Variants in EPB41 observed in about 807,000 individuals in gnomAD.
EPB41 encodes protein 4.1.
EPB41 carries 65 observed loss-of-function variants against 108.0 expected under a neutral mutation model. That is an observed-to-expected ratio of 0.60 (90% CI 0.49 to 0.74). The LOEUF (loss-of-function observed/expected upper bound fraction) is 0.74. Ranked by LOEUF, EPB41 falls within the 30% of genes least tolerant of loss-of-function variation. EPB41 has a pLI of 0.00. For synonymous variants in EPB41, 336 were observed against 358.9 expected (o/e 0.94, Z 0.72); for missense variants, 875 against 1,037.0 (o/e 0.84, Z 2.15).
At chr1:28,997,547 GT>G (rs955240590) in intron 4 of EPB41, among the ~76,000 whole-genome samples, 44 of 152,192 alleles carry the variant, frequency 2.9e-4, no homozygotes, top group African/African-American at 9.4e-4. Context: ...TATATTGTAT[GT>G]TTTTACAAGG....
intron 10 of EPB41, among the ~76,000 whole-genome samples, chr1:29,038,346 A>T (rs545045242): frequency 6.6e-6 from 1 of 152,308 alleles, no homozygotes; most frequent in Admixed American, 6.5e-5. Flanking sequence ...TTGAATGTCT[A>T]ATAACTGTGG....
intron 18 of EPB41, chr1:29,109,773 C>T (rs1020281921): frequency 2.7e-6 from 1 of 371,362 alleles, no homozygotes; most frequent in African/African-American, 2.1e-5. Flanking sequence ...GTGGCCCACA[C>T]CTGTAATCCC....
intron 1 of EPB41, among the ~76,000 whole-genome samples, chr1:28,987,052 C>T (rs2149514666): frequency 6.6e-6 from 1 of 152,298 alleles, no homozygotes; most frequent in South Asian, 2.1e-4. Flanking sequence ...GCAAATCCTA[C>T]ACCTTCAGAT....
intron 1 of EPB41, among the ~76,000 whole-genome samples, chr1:28,895,235 G>C (rs1432251110): frequency 6.6e-6 from 1 of 152,166 alleles, no homozygotes; most frequent in Non-Finnish European, 1.5e-5. Flanking sequence ...GGCCCAGGGA[G>C]CCTGGGACTC....
chr1:29,097,895 TC>T lies in EPB41; in HGVS notation c.2275del (p.His759ThrfsTer27). Reference sequence around the variant, plus strand: ...ATCCCAACCAAAGACGTCCCTATTGTCCACACTGAGACCAAGACCATCACTT... The same window carrying T: ...ATCCCAACCAAAGACGTCCCTATTGTCACACTGAGACCAAGACCATCACTT... The part of the protein sequence containing the change: ...SEIPTKDVPI[V>X]HTETKTITYE... On this transcript the variant is annotated frameshift_variant, in exon 17 of 21. Coordinates refer to ENST00000343067, the MANE Select transcript of EPB41 (RefSeq NM_001376013.1). LOFTEE classifies it high-confidence loss of function. 6.2e-6 allele frequency: 10 copies of T among 1,613,988 alleles called. No individual in the cohort carries two copies. The highest frequency in any genetic ancestry group is 8.5e-6 in the Non-Finnish European group (10 of 1,179,876).
At chr1:29,106,564 A>ATTTTTTTTTTTTTTTTTTTTTT (rs1187973613) in intron 17 of EPB41, among the ~76,000 whole-genome samples, 1 of 50,882 alleles carries the variant, frequency 2.0e-5, no homozygotes, top group African/African-American at 8.5e-5. Flanking sequence ...AGTAGCTGGG[A>ATTTTTTTTTTTTTTTTTTTTTT]TTTTTTTTTT....
intron 1 of EPB41, among the ~76,000 whole-genome samples, chr1:28,925,528 G>A (rs915857580): frequency 6.6e-6 from 1 of 152,180 alleles, no homozygotes; most frequent in Non-Finnish European, 1.5e-5. Context: ...AGTGAGGCAG[G>A]TGGGGTGTAC....
chr1:28,964,627 A>AAAAT (rs796384394), intron 1 of EPB41, among the ~76,000 whole-genome samples: 7 of 149,762 alleles, frequency 4.7e-5, no homozygotes, highest in African/African-American at 9.9e-5. Context: ...ATAAATAAAT[A>AAAAT]AAATAAATAA....
chr1:29,090,901 T>C (rs1660950678), intron 16 of EPB41, among the ~76,000 whole-genome samples: 1 of 152,192 alleles, frequency 6.6e-6, no homozygotes, highest in Non-Finnish European at 1.5e-5. Flanking sequence ...GATAACAGTG[T>C]CAACTTGAGA....
intron 1 of EPB41, among the ~76,000 whole-genome samples, chr1:28,909,451 G>A (rs923041571): frequency 5.9e-5 from 9 of 151,764 alleles, no homozygotes; most frequent in African/African-American, 2.2e-4. Context: ...CTGGGCAACA[G>A]AGTGAGACCC....
intron 1 of EPB41, among the ~76,000 whole-genome samples, chr1:28,924,738 C>T (rs1462801208): frequency 6.6e-6 from 1 of 152,148 alleles, no homozygotes; most frequent in Non-Finnish European, 1.5e-5. Context: ...ATTTACAAGG[C>T]ACTATCATAA....
At chr1:29,036,745 G>C (rs1204030465) in intron 10 of EPB41, among the ~76,000 whole-genome samples, 3 of 149,666 alleles carry the variant, frequency 2.0e-5, no homozygotes, top group African/African-American at 7.4e-5. Flanking sequence ...GGCGGATCTC[G>C]GCTCACTGCA....
At chr1:28,959,599 A>T (rs3102739) in intron 1 of EPB41, among the ~76,000 whole-genome samples, 119,489 of 152,120 alleles carry the variant, frequency 0.79, 47,594 homozygotes, top group East Asian at 0.92. Context: ...AAGAGAAAAC[A>T]TTTATAGCAG....
At chr1:29,006,454 G>C (rs952877341) in intron 4 of EPB41, among the ~76,000 whole-genome samples, 8 of 151,872 alleles carry the variant, frequency 5.3e-5, no homozygotes, top group Non-Finnish European at 1.0e-4. Context: ...AGCCAGGATG[G>C]TCTCGATCTC....
intron 12 of EPB41, among the ~76,000 whole-genome samples, chr1:29,056,273 CAAAACAAAAA>C (rs1289756898): frequency 2.7e-5 from 4 of 147,960 alleles, no homozygotes; most frequent in East Asian, 4.0e-4. Context: ...CAAAACAAAA[CAAAACAAAAA>C]AAAAACTATG....
intron 11 of EPB41, among the ~76,000 whole-genome samples, chr1:29,047,379 A>G (rs1380757462): frequency 6.7e-6 from 1 of 148,752 alleles, no homozygotes; most frequent in African/African-American, 2.5e-5. Flanking sequence ...CGTCCTGAGT[A>G]GCTGGTACCA....
In EPB41 at chr1:28,922,690, C is replaced by T. The variant is rs2093184773; in HGVS notation, c.-8+7922C>T. On this transcript the variant is annotated intron_variant, in intron 1 of 20. Coordinates refer to ENST00000343067, the MANE Select transcript of EPB41 (RefSeq NM_001376013.1). ...TTGCTCAGGCTGTAGTGCAGTGGCG[C>T]GATCTCGGCTCACTGCAACCTCTGC... 3.3e-5 allele frequency among the ~76,000 whole-genome samples: 5 copies of T among 149,784 alleles called. No homozygotes were observed. The South Asian group carries it at 8.4e-4, about 25-fold the overall frequency.
At chr1:28,927,765 G>T (rs1261271822) in intron 1 of EPB41, among the ~76,000 whole-genome samples, 1 of 152,100 alleles carries the variant, frequency 6.6e-6, no homozygotes, top group African/African-American at 2.4e-5. Flanking sequence ...CAGCCAGTAA[G>T]GATATGGGAT....
At chr1:28,907,226 G>A (rs746068387) in intron 1 of EPB41, among the ~76,000 whole-genome samples, 15 of 151,700 alleles carry the variant, frequency 9.9e-5, no homozygotes, top group South Asian at 2.1e-4. Flanking sequence ...GACCACACCC[G>A]GCTGATATTT....
Sources: gnomAD v4.1 joint callset for allele counts (sites outside exome capture counted in the v4.1 genomes callset) on GRCh38, gnomAD v4.1.1 for gene constraint, MANE v1.5 for transcripts, NCBI Gene and HGNC (gene_info 2026-07-23, HGNC 2026-07-21) for gene names.